Variants in NRF1 observed in about 807,000 individuals in gnomAD.
NRF1 encodes the protein nuclear respiratory factor 1.
NRF1 carries 5 observed loss-of-function variants against 58.5 expected under a neutral mutation model. The ratio of observed to expected loss-of-function variants is 0.09; its 90% confidence interval spans 0.04 to 0.18. NRF1 has a LOEUF of 0.18. NRF1 is among the 10% of genes least tolerant of loss of function. The pLI is 1.00. For synonymous variants in NRF1, 224 were observed against 246.7 expected, an observed-to-expected ratio of 0.91 and a Z score of 0.86; for missense variants, 288 against 657.7, an observed-to-expected ratio of 0.44 and a Z score of 6.15.
chr7:129,648,575 A>G (rs1310891347), intron 1 of NRF1, among the ~76,000 whole-genome samples: 1 of 152,038 alleles, frequency 6.6e-6, no homozygotes, highest in Non-Finnish European at 1.5e-5. Context: ...CACCACACCC[A>G]GCTTGACTTT....
At chr7:129,746,901 A>G (rs1421613756) in intron 10 of NRF1, among the ~76,000 whole-genome samples, 2 of 152,188 alleles carry the variant, frequency 1.3e-5, no homozygotes, top group Non-Finnish European at 2.9e-5. Flanking sequence ...AGATATTTCC[A>G]TGACCACCTT....
At chr7:129,654,160 G>C (rs986007859) in intron 1 of NRF1, among the ~76,000 whole-genome samples, 4 of 152,186 alleles carry the variant, frequency 2.6e-5, no homozygotes, top group African/African-American at 9.7e-5. Context: ...TTGAGGTTTA[G>C]ATATTTAAAT....
intron 9 of NRF1, among the ~76,000 whole-genome samples, chr7:129,723,274 TC>T: frequency 6.6e-6 from 1 of 151,992 alleles, no homozygotes; most frequent in East Asian, 1.9e-4. Flanking sequence ...AGAAACCCCG[TC>T]TCTACTAAAA....
intron 4 of NRF1, among the ~76,000 whole-genome samples, chr7:129,678,213 C>A (rs1244992671): frequency 2.6e-5 from 4 of 151,964 alleles, no homozygotes; most frequent in Non-Finnish European, 5.9e-5. Context: ...TACTGTGCTC[C>A]AAATATAGAA....
At chr7:129,666,372 G>A (rs1042871985) in intron 2 of NRF1, among the ~76,000 whole-genome samples, 1 of 151,954 alleles carries the variant, frequency 6.6e-6, no homozygotes, top group Non-Finnish European at 1.5e-5. Context: ...ATTTAGCATT[G>A]TTTTGCATGT....
chr7:129,710,524 G>A lies in NRF1; in HGVS notation c.916G>A (p.Val306Ile), dbSNP rs764743796. The change falls in exon 7 of 11, where the codon GTA becomes ATA. Residue 306 changes from valine (V) to isoleucine (I), a missense_variant. Val to Ile is a conservative substitution (Grantham distance 29, BLOSUM62 3). Around this residue, in one of 3 missense-constraint regions of NRF1, gnomAD observed 212 missense variants for 559.7 expected, o/e 0.38. Coordinates refer to ENST00000393232, the MANE Select transcript of NRF1 (RefSeq NM_005011.5). ...AGCTCATCTTGTACCATCACAGACTGTAGTCCAGACTTTTAGTAACCCTGA... is the reference window on the plus strand; with the variant it reads ...AGCTCATCTTGTACCATCACAGACTATAGTCCAGACTTTTAGTAACCCTGA... ...SIAHLVPSQTVVQTFSNPDGT... is the reference protein window; with the variant it reads ...SIAHLVPSQTIVQTFSNPDGT... 3 of 1,604,196 alleles carry A rather than the reference G, an allele frequency of 1.9e-6. No individual in the cohort carries two copies. The South Asian group carries it at 3.3e-5, about 18-fold the overall frequency.
At chr7:129,619,486 G>GTATATA (rs1287050843) in intron 1 of NRF1, among the ~76,000 whole-genome samples, 211 of 32,248 alleles carry the variant, frequency 6.5e-3, no homozygotes, top group South Asian at 0.022. Context: ...GTGTGTGTGT[G>GTATATA]TGTGTATATA....
At chr7:129,646,958 C>G (rs1335070717) in intron 1 of NRF1, among the ~76,000 whole-genome samples, 1 of 152,206 alleles carries the variant, frequency 6.6e-6, no homozygotes, top group Admixed American at 6.5e-5. Context: ...AATCATTTAT[C>G]AAAGAGCACA....
At chr7:129,656,726 C>G (rs1440898514) in intron 1 of NRF1, among the ~76,000 whole-genome samples, 1 of 152,144 alleles carries the variant, frequency 6.6e-6, no homozygotes, top group Non-Finnish European at 1.5e-5. Context: ...AGGCGCCCAC[C>G]ACCACGCCTG....
At chr7:129,751,929 T>C (rs1192256447) in intron 10 of NRF1, among the ~76,000 whole-genome samples, 3 of 152,164 alleles carry the variant, frequency 2.0e-5, no homozygotes, top group Non-Finnish European at 4.4e-5. Flanking sequence ...TTCACATATA[T>C]ATACACTCAG....
At chr7:129,743,677 A>G (rs938963729) in intron 10 of NRF1, among the ~76,000 whole-genome samples, 3 of 152,202 alleles carry the variant, frequency 2.0e-5, no homozygotes, top group African/African-American at 7.2e-5. Context: ...TGGTTTTACA[A>G]ATGTGAATAT....
intron 10 of NRF1, among the ~76,000 whole-genome samples, chr7:129,736,171 A>G (rs1803705501): frequency 6.6e-6 from 1 of 152,144 alleles, no homozygotes; most frequent in Admixed American, 6.5e-5. Context: ...TACACTAGAC[A>G]ATCTTCACCT....
chr7:129,698,591 G>A (rs1000212846), intron 5 of NRF1, among the ~76,000 whole-genome samples: 4 of 152,188 alleles, frequency 2.6e-5, no homozygotes, highest in African/African-American at 4.8e-5. Flanking sequence ...TGAAAGTCAG[G>A]TTAGTAAATT....
intron 5 of NRF1, among the ~76,000 whole-genome samples, chr7:129,697,331 C>T (rs1802722307): frequency 6.6e-6 from 1 of 151,804 alleles, no homozygotes. Context: ...ATCATGAGGT[C>T]AGGAGATCGA....
chr7:129,712,857 G>T (rs1803105881), intron 8 of NRF1, among the ~76,000 whole-genome samples: 1 of 152,154 alleles, frequency 6.6e-6, no homozygotes, highest in Admixed American at 6.5e-5. Context: ...CAAAGAATTT[G>T]TCAGTCCCAG....
In NRF1 at chr7:129,693,497, A is replaced by G. The variant is rs143046148; in HGVS notation, c.606+2951A>G. ...CCAGAATGGCTTTGAATGTGGCCCAACACAAATTCGTAAACTTTCTTAAAA... is the reference window on the plus strand; with the variant it reads ...CCAGAATGGCTTTGAATGTGGCCCAGCACAAATTCGTAAACTTTCTTAAAA... On this transcript the variant is annotated intron_variant, in intron 5 of 10. Coordinates refer to ENST00000393232, the MANE Select transcript of NRF1 (RefSeq NM_005011.5). 1.7e-3 allele frequency among the ~76,000 whole-genome samples: 257 copies of G among 152,188 alleles called. 1 individual carries two copies. Among genetic ancestry groups the G allele is most frequent in the African/African-American group, 5.6e-3 (233 of 41,546 alleles).
chr7:129,746,942 C>G (rs922014162), intron 10 of NRF1, among the ~76,000 whole-genome samples: 1 of 152,206 alleles, frequency 6.6e-6, no homozygotes, highest in Non-Finnish European at 1.5e-5. Context: ...GATTCAGTTA[C>G]AGCAAACAAC....
intron 4 of NRF1, among the ~76,000 whole-genome samples, chr7:129,682,550 A>G (rs965668127): frequency 6.6e-6 from 1 of 151,658 alleles, no homozygotes; most frequent in African/African-American, 2.4e-5. Flanking sequence ...TATAAACAAG[A>G]ATATAGAGAT....
At chr7:129,636,915 G>C (rs145334274) in intron 1 of NRF1, among the ~76,000 whole-genome samples, 2 of 152,258 alleles carry the variant, frequency 1.3e-5, no homozygotes, top group East Asian at 3.9e-4. Context: ...GCCAATTTGT[G>C]TGTTTTCAGT....
Sources: allele counts gnomAD v4.1 joint callset (sites outside exome capture counted in the v4.1 genomes callset), GRCh38; gene constraint gnomAD v4.1.1; regional missense constraint gnomAD v4.1.1; transcripts MANE v1.5; gene names NCBI Gene and HGNC (gene_info 2026-07-23, HGNC 2026-07-21).